RB1: variants seen among roughly 807,000 people sequenced by gnomAD.
RB1 encodes retinoblastoma-associated protein.
Under a neutral mutation model 135.4 loss-of-function variants are expected in RB1, and 18 were observed. The ratio of observed to expected loss-of-function variants is 0.13; its 90% CI spans 0.09 to 0.20. The LOEUF is 0.20. RB1 is among the 10% of genes least tolerant of loss of function. RB1 has a pLI of 1.00. For missense variants in RB1, 868 were observed against 1,110.0 expected, an observed-to-expected ratio of 0.78 and a Z score of 3.10; for synonymous variants, 365 against 373.2, an observed-to-expected ratio of 0.98 and a Z score of 0.25.
intron 2 of RB1, chr13:48,317,540 T>C (rs1397795048): frequency 1.4e-5 from 6 of 436,218 alleles, no homozygotes; most frequent in Non-Finnish European, 2.5e-5. Flanking sequence ...GTGCCCGCTG[T>C]GGCACTGCTG....
At chr13:48,429,293 T>C (rs1330153912) in intron 17 of RB1, 2 of 152,226 alleles carry the variant, frequency 1.3e-5, no homozygotes, top group Non-Finnish European at 2.9e-5. Flanking sequence ...CACATGCCTG[T>C]AGTCCCAGCT....
intron 2 of RB1, among the ~76,000 whole-genome samples, chr13:48,323,554 A>G (rs1325976545): frequency 6.6e-6 from 1 of 151,888 alleles, no homozygotes; most frequent in Non-Finnish European, 1.5e-5. Context: ...TCACTACCCA[A>G]TGTTTATACT....
chr13:48,480,368 G>A lies in RB1; in HGVS notation c.*297G>A. 2 of 451,066 alleles carry A rather than the reference G, an allele frequency of 4.4e-6. No homozygotes were observed. The highest frequency in any genetic ancestry group is 6.2e-4 in the Middle Eastern group (1 of 1,610). The allele number at this position is 451,066 out of a possible 1,614,324, so 27.9% of individuals were successfully genotyped here. On this transcript the variant is annotated 3_prime_UTR_variant, in exon 27 of 27. Coordinates refer to ENST00000267163, the MANE Select transcript of RB1 (RefSeq NM_000321.3). ...GCTGTGCTTTATGGATAGTAAGAAT[G>A]GCCCTAGAGTGGGAGTCCTGATAAC...
chr13:48,317,373 C>T lies in RB1; in HGVS notation c.264+9967C>T, dbSNP rs1053435662. 4 of 371,884 alleles carry T rather than the reference C, an allele frequency of 1.1e-5. No homozygotes were observed. The South Asian group carries it at 1.4e-4, about 13-fold the overall frequency. The allele number at this position is 371,884 out of a possible 1,614,324, so 23.0% of individuals were successfully genotyped here. A position where few individuals can be genotyped will look rare whatever the true frequency, so the allele number is the denominator to read the frequency against. On this transcript the variant is annotated intron_variant, in intron 2 of 26. Coordinates refer to ENST00000267163, the MANE Select transcript of RB1 (RefSeq NM_000321.3). ...GCCTCCACTCCGCATCTCTACTTTC[C>T]GAGCGCAGCGCGCACGGGTTCCGGT...
intron 21 of RB1, among the ~76,000 whole-genome samples, chr13:48,464,377 C>G (rs186926674): frequency 6.6e-6 from 1 of 152,178 alleles, no homozygotes; most frequent in East Asian, 1.9e-4. Context: ...CAAACCAAGT[C>G]ATTTTTGTTT....
intron 17 of RB1, chr13:48,401,295 T>G (rs1392641064): frequency 6.6e-6 from 1 of 152,164 alleles, no homozygotes; most frequent in Non-Finnish European, 1.5e-5. Context: ...TTTGTAAACT[T>G]ACAGTCAAAT....
At chr13:48,399,742 G>T (rs1355857822) in intron 17 of RB1, among the ~76,000 whole-genome samples, 1 of 151,914 alleles carries the variant, frequency 6.6e-6, no homozygotes, top group East Asian at 1.9e-4. Context: ...ATCTGTTTAT[G>T]ATTTTAAACA....
intron 17 of RB1, among the ~76,000 whole-genome samples, chr13:48,393,912 T>G (rs1036176612): frequency 1.2e-4 from 19 of 152,214 alleles, no homozygotes; most frequent in African/African-American, 4.6e-4. Flanking sequence ...GTTACACAAG[T>G]ACTTGGCCAA....
intron 9 of RB1, among the ~76,000 whole-genome samples, chr13:48,366,730 A>C (rs1347538964): frequency 1.3e-5 from 2 of 152,230 alleles, no homozygotes; most frequent in Non-Finnish European, 2.9e-5. Context: ...AGGGTACTGG[A>C]GTGAACCAAA....
chr13:48,453,069 C>T lies in RB1; in HGVS notation c.1772C>T (p.Pro591Leu), dbSNP rs1221157259. 9 of 1,613,084 alleles carry T rather than the reference C, an allele frequency of 5.6e-6. No individual in the cohort carries two copies. The highest frequency in any genetic ancestry group is 7.6e-6 in the Non-Finnish European group (9 of 1,179,656). The change falls in exon 18 of 27, where the codon CCT (proline) becomes CTT (leucine). Residue 591 changes from proline to leucine, a missense_variant. Physicochemically the swap from Pro to Leu is moderately conservative, Grantham distance 98. Coordinates refer to ENST00000267163, the MANE Select transcript of RB1 (RefSeq NM_000321.3). The stretch of plus-strand genomic sequence containing the variant: ...ACTGATCACCTTGAATCTGCTTGTC[C>T]TCTTAATCTTCCTCTCCAGAATAAT... ...GPTDHLESAC[P>L]LNLPLQNNHT... is the part of the protein sequence containing the mutation.
At chr13:48,331,281 T>A (rs931659510) in intron 2 of RB1, among the ~76,000 whole-genome samples, 1 of 152,192 alleles carries the variant, frequency 6.6e-6, no homozygotes, top group African/African-American at 2.4e-5. Context: ...GCCAGAGATA[T>A]TAGGCAAGAA....
At chr13:48,329,242 A>G (rs1222518112) in intron 2 of RB1, among the ~76,000 whole-genome samples, 2 of 152,188 alleles carry the variant, frequency 1.3e-5, no homozygotes, top group Non-Finnish European at 2.9e-5. Context: ...CATATTCTAA[A>G]AACTATTTTT....
Position 48,405,491 on chromosome 13 carries a change from C to T in RB1, c.1695+24048C>T, listed in dbSNP as rs563296004. Among the ~76,000 whole-genome samples the T allele has an allele frequency of 1.8e-4, 27 of 152,244 alleles. No homozygotes were observed. The South Asian group carries it at 5.6e-3, about 32-fold the overall frequency. On this transcript the variant is annotated intron_variant, in intron 17 of 26. Coordinates refer to ENST00000267163, the MANE Select transcript of RB1 (RefSeq NM_000321.3). The stretch of plus-strand genomic sequence containing the variant: ...CCTTGTTGGCCCATAGTTTTGACTG[C>T]ATATAACAGGAGATGGCATGCACAG...
At chr13:48,308,286 G>T (rs1952102653) in intron 2 of RB1, among the ~76,000 whole-genome samples, 1 of 151,174 alleles carries the variant, frequency 6.6e-6, no homozygotes. Flanking sequence ...GGAGGTGGAG[G>T]TTACAGTAAG....
chr13:48,467,237 G>T (rs1949451500), intron 23 of RB1, among the ~76,000 whole-genome samples: 2 of 127,908 alleles, frequency 1.6e-5, no homozygotes, highest in African/African-American at 2.9e-5. Flanking sequence ...AGCCAGAAGA[G>T]AGTGGGGGCC....
At chr13:48,357,268 CATATTATTCTGA>C (rs1952600514) in intron 6 of RB1, among the ~76,000 whole-genome samples, 1 of 151,868 alleles carries the variant, frequency 6.6e-6, no homozygotes, top group African/African-American at 2.4e-5. Flanking sequence ...TGTCTTCTCT[CATATTATTCTGA>C]ATTTTTAAAT....
chr13:48,456,151 T>C (rs558595887), intron 18 of RB1, 53 bp from the exon 19 acceptor site: 1 of 1,609,068 alleles, frequency 6.2e-7, no homozygotes, highest in East Asian at 2.2e-5. Flanking sequence ...GTATGTATAA[T>C]CTGTGATTCT....
At chr13:48,323,020 A>C (rs1230999369) in intron 2 of RB1, among the ~76,000 whole-genome samples, 1 of 152,030 alleles carries the variant, frequency 6.6e-6, no homozygotes, top group Non-Finnish European at 1.5e-5. Flanking sequence ...TCAAGATAAT[A>C]CTGGCCTTTC....
intron 17 of RB1, among the ~76,000 whole-genome samples, chr13:48,421,893 A>G (rs1364239692): frequency 1.3e-5 from 2 of 152,238 alleles, no homozygotes; most frequent in African/African-American, 4.8e-5. Context: ...GATGTGGAGA[A>G]TAGGAATGCT....
Sources: allele counts gnomAD v4.1 joint callset (sites outside exome capture counted in the v4.1 genomes callset), GRCh38; gene constraint gnomAD v4.1.1; transcripts MANE v1.5; gene names NCBI Gene and HGNC (gene_info 2026-07-23, HGNC 2026-07-21).